ZBTB46: variants seen among roughly 807,000 people sequenced by gnomAD.
ZBTB46 encodes the protein zinc finger and BTB domain containing 46.
A neutral mutation model predicts 44.1 loss-of-function variants in ZBTB46; 8 were observed. The ratio of observed to expected loss-of-function variants is 0.18; its 90% CI spans 0.11 to 0.33. The LOEUF is 0.33. ZBTB46 is among the 10% of genes least tolerant of loss of function. ZBTB46 has a pLI of 1.00. For synonymous variants in ZBTB46, 409 were observed against 382.3 expected (o/e 1.07, Z -0.81); for missense variants, 651 against 847.7 (o/e 0.77, Z 2.88).
At chr20:63,802,964 T>C (rs1410047651) in intron 1 of ZBTB46, among the ~76,000 whole-genome samples, 1 of 152,196 alleles carries the variant, frequency 6.6e-6, no homozygotes. Context: ...GACGTTCCCT[T>C]TGTGGCCCTT....
intron 3 of ZBTB46, among the ~76,000 whole-genome samples, chr20:63,765,041 G>A (rs1051863540): frequency 2.3e-4 from 11 of 47,284 alleles, no homozygotes; most frequent in Non-Finnish European, 1.4e-4. Context: ...GTGTGTGTGC[G>A]TGCGTGTGTG....
chr20:63,749,165 C>A (rs1006272582), intron 4 of ZBTB46, among the ~76,000 whole-genome samples: 5 of 152,178 alleles, frequency 3.3e-5, no homozygotes, highest in Non-Finnish European at 5.9e-5. Flanking sequence ...AAGCCTGGAC[C>A]GGGATGGGCG....
intron 1 of ZBTB46, among the ~76,000 whole-genome samples, chr20:63,820,688 T>G (rs1326615556): frequency 6.6e-6 from 1 of 152,028 alleles, no homozygotes; most frequent in African/African-American, 2.4e-5. Flanking sequence ...CACCTGGGCC[T>G]TCCAAAGTTC....
In ZBTB46 at chr20:63,767,802, C is replaced by CCCAGGGCTGGGCAAGTCCAT. The variant is rs539319567; in HGVS notation, c.1222+7856_1222+7875dup. The CCCAGGGCTGGGCAAGTCCAT allele has an allele frequency of 6.6e-6, 6 of 907,576 alleles. No individual in the cohort carries two copies. The highest frequency in any genetic ancestry group is 5.4e-5 in the African/African-American group (3 of 55,756). The allele number at this position is 907,576 out of a possible 1,614,324, so 56.2% of individuals were successfully genotyped here. ...CCAAGCCGTCCTGGCACTGGCTGCC[C>CCCAGGGCTGGGCAAGTCCAT]CCAGGGCTGGGCAAGTCCATCCAGG... On this transcript the variant is annotated intron_variant, in intron 3 of 4. Transcript: ENST00000245663. This position sits in a 1 kb window ranked among gnomAD's most constrained non-coding sequence, Gnocchi z 5.0.
chr20:63,804,405 C>A (rs547445790), intron 1 of ZBTB46, among the ~76,000 whole-genome samples: 113 of 152,314 alleles, frequency 7.4e-4, no homozygotes, highest in Non-Finnish European at 1.3e-3. Flanking sequence ...CCATGAATCA[C>A]AACAGCAGTC....
rs140658438 is a variant in ZBTB46, at chr20:63,798,532, G to A, written c.-33-7742C>T. On this transcript the variant is annotated intron_variant, in intron 1 of 4. Transcript: ENST00000245663. ...TCTACTAAAAATACAAAAATTAGCC[G>A]GGCATGGTGGCACATGCTTGTAATC... Among the ~76,000 whole-genome samples the A allele has an allele frequency of 3.5e-3, 525 of 151,740 alleles. 3 individuals carry two copies. The highest frequency in any genetic ancestry group is 0.012 in the African/African-American group (483 of 41,366).
intron 1 of ZBTB46, among the ~76,000 whole-genome samples, chr20:63,826,724 C>A (rs2092821581): frequency 3.3e-5 from 5 of 152,138 alleles, no homozygotes; most frequent in Admixed American, 3.3e-4. Flanking sequence ...GACTCCCTCT[C>A]AAAAAAAGAA....
chr20:63,789,408 C>T (rs975028491), intron 2 of ZBTB46, among the ~76,000 whole-genome samples: 1 of 152,210 alleles, frequency 6.6e-6, no homozygotes, highest in African/African-American at 2.4e-5. Context: ...AGCGGCCAGT[C>T]GAGTTACCCC....
intron 1 of ZBTB46, among the ~76,000 whole-genome samples, chr20:63,821,058 A>AATTTTT (rs1353536870): frequency 6.6e-6 from 1 of 151,592 alleles, no homozygotes; most frequent in African/African-American, 2.4e-5. Context: ...ACGCCCAGCT[A>AATTTTT]ATTTTTGTAT....
intron 1 of ZBTB46, among the ~76,000 whole-genome samples, chr20:63,801,797 G>T (rs1016259053): frequency 3.3e-5 from 5 of 152,126 alleles, no homozygotes; most frequent in Non-Finnish European, 5.9e-5. Flanking sequence ...AAGTCAGTGA[G>T]ACCAAGAACC....
chr20:63,787,042 G>A lies in ZBTB46; in HGVS notation c.937+2779C>T, dbSNP rs2092521952. Among the ~76,000 whole-genome samples the A allele has an allele frequency of 6.6e-6, 1 of 152,190 alleles. No individual in the cohort carries two copies. Among genetic ancestry groups the A allele is most frequent in the Admixed American group, 6.5e-5 (1 of 15,268 alleles). On this transcript the variant is annotated intron_variant, in intron 2 of 4. Transcript: ENST00000245663. The surrounding 1 kb of genome is among the most constrained non-coding windows in gnomAD (Gnocchi z 4.6). ...TGAGAATGAATAAAATCTACATTGT[G>A]TCAAAGTAGAACAGCATTTACCCGC...
Position 63,803,412 on chromosome 20 carries a change from T to C in ZBTB46, c.-33-12622A>G. ...AACACTCCAAGACATGTTAGCAGAG[T>C]CGTCTTTCGACAGCGAGACCGGTGG... On this transcript the variant is annotated intron_variant, in intron 1 of 4. Coordinates refer to ENST00000245663, the MANE Select transcript of ZBTB46 (RefSeq NM_001369741.1). This position sits in a 1 kb window ranked among gnomAD's most constrained non-coding sequence, Gnocchi z 4.0. The C allele has an allele frequency of 1.0e-6, 1 of 985,316 alleles. No homozygotes were observed. Among genetic ancestry groups the C allele is most frequent in the Non-Finnish European group, 1.2e-6 (1 of 829,906 alleles). The allele number at this position is 985,316 out of a possible 1,614,324, so 61.0% of individuals were successfully genotyped here.
upstream of ZBTB46, among the ~76,000 whole-genome samples, chr20:63,831,752 G>A (rs2146123910): frequency 6.6e-6 from 1 of 151,292 alleles, no homozygotes; most frequent in African/African-American, 2.4e-5. Context: ...AGGTTCCTCG[G>A]GGGCGCGCGG....
At chr20:63,808,777 A>C (rs1202029576) in intron 1 of ZBTB46, among the ~76,000 whole-genome samples, 1 of 152,018 alleles carries the variant, frequency 6.6e-6, no homozygotes, top group Non-Finnish European at 1.5e-5. Flanking sequence ...GATCAAGACC[A>C]TCCTGGCTAA....
At chr20:63,832,467 G>A (rs1468526027), upstream of ZBTB46, among the ~76,000 whole-genome samples, 1 of 152,230 alleles carries the variant, frequency 6.6e-6, no homozygotes, top group African/African-American at 2.4e-5. This position sits in a 1 kb window ranked among gnomAD's most constrained non-coding sequence, Gnocchi z 5.0. Flanking sequence ...GGAGGTGGGA[G>A]GCGGCGGCCC....
intron 2 of ZBTB46, among the ~76,000 whole-genome samples, chr20:63,782,918 A>T (rs1253729352): frequency 6.6e-6 from 1 of 152,198 alleles, no homozygotes; most frequent in African/African-American, 2.4e-5. Flanking sequence ...CCTGGGCAAC[A>T]TAGTGAGATC....
At chr20:63,772,761 A>C (rs539420071) in intron 3 of ZBTB46, among the ~76,000 whole-genome samples, 939 of 24,266 alleles carry the variant, frequency 0.039, 10 homozygotes, top group Middle Eastern at 0.14. Flanking sequence ...ACACACACAC[A>C]CACACAGAAG....
chr20:63,753,096 G>A (rs2092186093), intron 3 of ZBTB46, among the ~76,000 whole-genome samples: 1 of 152,188 alleles, frequency 6.6e-6, no homozygotes, highest in South Asian at 2.1e-4. Flanking sequence ...GGGAGCTCAG[G>A]AGCCCCAGCT....
chr20:63,808,346 C>T (rs1247964175), intron 1 of ZBTB46, among the ~76,000 whole-genome samples: 1 of 152,220 alleles, frequency 6.6e-6, no homozygotes. Context: ...GGGGGCTGAG[C>T]GCAGGGGAGG....
Sources: gnomAD v4.1 joint callset for allele counts (sites outside exome capture counted in the v4.1 genomes callset) on GRCh38, gnomAD v4.1.1 for gene constraint, Gnocchi (gnomAD v3.1) non-coding constraint, MANE v1.5 for transcripts, NCBI Gene and HGNC (gene_info 2026-07-23, HGNC 2026-07-21) for gene names.